Variants in CACNG8 observed in about 807,000 individuals in gnomAD.
The protein encoded by CACNG8 is voltage-dependent calcium channel gamma-8 subunit.
CACNG8 carries 5 observed loss-of-function variants against 26.9 expected under a neutral mutation model. The observed-to-expected ratio is 0.19, with a 90% CI of 0.10 to 0.39. CACNG8 has a LOEUF of 0.39. Ranked by LOEUF, CACNG8 falls within the 10% of genes least tolerant of loss-of-function variation. The probability of loss-of-function intolerance (pLI) is 1.00; values close to 1 mark genes in which losing one functional copy is unlikely to be tolerated. For synonymous variants in CACNG8, 321 were observed against 296.7 expected (o/e 1.08, Z -0.84); for missense variants, 473 against 609.4 (o/e 0.78, Z 2.36).
rs2069373871 is a variant in CACNG8 at position 53,982,210 on chromosome 19, C to T, written c.639C>T (p.Phe213=). The T allele has an allele frequency of 7.4e-6, 12 of 1,613,136 alleles. No homozygotes were observed. Among genetic ancestry groups the T allele is most frequent in the Non-Finnish European group, 1.0e-5 (12 of 1,179,742 alleles). ...CCTTCTACTTCGGCGGGCTGTCGTT[C>T]ATCCTGGCCGAGGTGATAGGCGTGC... Residue 213 remains phenylalanine, a synonymous_variant, in exon 4 of 4, where the codon TTC becomes TTT. Transcript: ENST00000270458. This position sits in a 1 kb window ranked among gnomAD's most constrained non-coding sequence, Gnocchi z 8.4.
In CACNG8 at chr19:53,980,790, A is replaced by C. The variant is rs887733084; in HGVS notation, c.508+783A>C. On this transcript the variant is annotated intron_variant, in intron 3 of 3. Coordinates refer to ENST00000270458, the MANE Select transcript of CACNG8 (RefSeq NM_031895.6). The stretch of plus-strand genomic sequence containing the variant: ...GACTGGAACACTTAAGAGGCACGCA[A>C]TTAAGGGGTAAGGCCCCCTTTCTAC... 2.0e-5 allele frequency among the ~76,000 whole-genome samples: 3 copies of C among 152,198 alleles called. No individual in the cohort carries two copies. The East Asian group carries it at 5.8e-4, about 29-fold the overall frequency.
rs547121078 is a variant in CACNG8, at chr19:53,983,884, G to A, written c.*1035G>A. Reference sequence around the variant, plus strand: ...AAGGTGAGGCCGGAGACACAGACAGGGCCAGATTGTGCAGGGGCTCGTAGG... The same window carrying A: ...AAGGTGAGGCCGGAGACACAGACAGAGCCAGATTGTGCAGGGGCTCGTAGG... On this transcript the variant is annotated 3_prime_UTR_variant, in exon 4 of 4. Transcript: ENST00000270458. The A allele has an allele frequency of 6.5e-6, 1 of 152,874 alleles. No homozygotes were observed. The highest frequency in any genetic ancestry group is 2.1e-4 in the South Asian group (1 of 4,840). The allele number at this position is 152,874 out of a possible 1,614,324, so 9.5% of individuals were successfully genotyped here.
At chr19:53,977,810 A>T (rs997660940) in intron 1 of CACNG8, among the ~76,000 whole-genome samples, 1 of 152,066 alleles carries the variant, frequency 6.6e-6, no homozygotes, top group Non-Finnish European at 1.5e-5. Flanking sequence ...CCTCTTTCTT[A>T]CAGAGGTGGG....
Position 53,986,414 on chromosome 19 carries a change from TATC to T in CACNG8, c.*3568_*3570del, listed in dbSNP as rs1447865040. 1 of 152,168 alleles carries T rather than the reference TATC, an allele frequency of 6.6e-6. No homozygotes were observed. Among genetic ancestry groups the T allele is most frequent in the Non-Finnish European group, 1.5e-5 (1 of 68,032 alleles). 9.4% of individuals were successfully genotyped at this position (152,168 alleles called of 1,614,324 possible). On this transcript the variant is annotated 3_prime_UTR_variant, in exon 4 of 4. Coordinates refer to ENST00000270458, the MANE Select transcript of CACNG8 (RefSeq NM_031895.6). ...CACTGGAGAGATAAACAATAAATAA[TATC>T]ATTTCAGTAACCAAAAAGTGCTTTA...
At chr19:53,973,986 T>C (rs2069316891) in intron 1 of CACNG8, among the ~76,000 whole-genome samples, 2 of 152,228 alleles carry the variant, frequency 1.3e-5, no homozygotes, top group African/African-American at 4.8e-5. Context: ...TAGTAAATTA[T>C]ACATAACATA....
chr19:53,972,895 G>C lies in CACNG8; in HGVS notation c.284-5251G>C, dbSNP rs183941735. 2.2e-3 allele frequency among the ~76,000 whole-genome samples: 329 copies of C among 152,210 alleles called. 1 individual carries two copies. The highest frequency in any genetic ancestry group is 4.0e-3 in the Non-Finnish European group (270 of 68,024). On this transcript the variant is annotated intron_variant, in intron 1 of 3. Transcript: ENST00000270458. ...TAAATATGCTGAACTCCCAAACCGA[G>C]CTGTGCTGGAAGGAACCTCTCCCCA...
At position 53,982,912 on chromosome 19, in the gene CACNG8, G is replaced by A; in HGVS notation, c.*63G>A. 1.8e-6 allele frequency: 2 copies of A among 1,139,072 alleles called. No individual in the cohort carries two copies. Among genetic ancestry groups the A allele is most frequent in the Non-Finnish European group, 2.2e-6 (2 of 915,764 alleles). The allele number at this position is 1,139,072 out of a possible 1,614,324, so 70.6% of individuals were successfully genotyped here. On this transcript the variant is annotated 3_prime_UTR_variant, in exon 4 of 4. Transcript: ENST00000270458. This position sits in a 1 kb window ranked among gnomAD's most constrained non-coding sequence, Gnocchi z 8.4. ...CGTGCGCGGGCGCGCGTGCATCGAG[G>A]CTGCCGGGGTCGGGGGCGCCCCCGC...
At position 53,987,590 on chromosome 19, in the gene CACNG8, G is replaced by A. The variant is rs2069415274; in HGVS notation, c.*4741G>A. The A allele has an allele frequency of 6.6e-6, 1 of 152,342 alleles. No homozygotes were observed. The highest frequency in any genetic ancestry group is 2.1e-4 in the South Asian group (1 of 4,820). 9.4% of individuals were successfully genotyped at this position (152,342 alleles called of 1,614,324 possible). ...TTGGTGGTGAACTGGATGTCATAGA[G>A]GAGGGAAGGAAAAGGAACCAGGAAG... On this transcript the variant is annotated 3_prime_UTR_variant, in exon 4 of 4. Coordinates refer to ENST00000270458, the MANE Select transcript of CACNG8 (RefSeq NM_031895.6).
intron 3 of CACNG8, among the ~76,000 whole-genome samples, chr19:53,980,438 C>G (rs925489237): frequency 2.0e-5 from 3 of 151,696 alleles, no homozygotes; most frequent in Non-Finnish European, 2.9e-5. Flanking sequence ...ATCTGAGCGC[C>G]GATGAGGAGC....
chr19:53,979,764 C>A, intron 2 of CACNG8, 103 bp from the exon 3 acceptor site: 1 of 1,229,588 alleles, frequency 8.1e-7, no homozygotes, highest in Non-Finnish European at 1.1e-6. Context: ...AATCACAGAA[C>A]TGTCGGGAGG....
intron 1 of CACNG8, among the ~76,000 whole-genome samples, chr19:53,964,132 T>A (rs1254217162): frequency 6.6e-6 from 1 of 152,044 alleles, no homozygotes; most frequent in Admixed American, 6.6e-5. Context: ...CAGTTCATCT[T>A]GACCCTGCTC....
intron 1 of CACNG8, among the ~76,000 whole-genome samples, chr19:53,964,763 G>A (rs527239227): frequency 2.6e-5 from 4 of 152,094 alleles, no homozygotes; most frequent in African/African-American, 7.2e-5. Flanking sequence ...AAGTAGCTGC[G>A]GGGCTGGGAA....
At chr19:53,978,534 G>A (rs2069344186) in intron 2 of CACNG8, among the ~76,000 whole-genome samples, 1 of 151,960 alleles carries the variant, frequency 6.6e-6, no homozygotes, top group African/African-American at 2.4e-5. Context: ...GTGGAATCCC[G>A]GACTGGGATT....
At position 53,982,252 on chromosome 19, in the gene CACNG8, C is replaced by T; in HGVS notation, c.681C>T (p.Tyr227=). The T allele has an allele frequency of 1.2e-6, 2 of 1,612,654 alleles. No homozygotes were observed. Among genetic ancestry groups the T allele is most frequent in the South Asian group, 2.2e-5 (2 of 90,986 alleles). Residue 227 remains tyrosine (Y), a synonymous_variant, in exon 4 of 4, where the codon TAC becomes TAT. Coordinates refer to ENST00000270458, the MANE Select transcript of CACNG8 (RefSeq NM_031895.6). The surrounding 1 kb of genome is among the most constrained non-coding windows in gnomAD (Gnocchi z 8.4). Reference sequence around the variant, plus strand: ...TAGGCGTGCTGGCCGTCAACATCTACATCGAGCGCAGCCGCGAGGCGCACT... The same window carrying T: ...TAGGCGTGCTGGCCGTCAACATCTATATCGAGCGCAGCCGCGAGGCGCACT...
chr19:53,968,768 CAAAA>C lies in CACNG8; in HGVS notation c.283+5363_283+5366del, dbSNP rs34461203. Among the ~76,000 whole-genome samples, 207 of 50,304 alleles carry C rather than the reference CAAAA, an allele frequency of 4.1e-3. 1 individual carries two copies. The highest frequency in any genetic ancestry group is 0.04 in the Middle Eastern group (2 of 50). 33.0% of individuals were successfully genotyped at this position (50,304 alleles called of 152,430 possible). The stretch of plus-strand genomic sequence containing the variant: ...TGGGCAACAGAGTGAGACTCTATCT[CAAAA>C]AAAAAAAAAAAAAAAAAAAGGGAGG... On this transcript the variant is annotated intron_variant, in intron 1 of 3. Transcript: ENST00000270458.
chr19:53,972,361 C>CTT (rs577196456), intron 1 of CACNG8, among the ~76,000 whole-genome samples: 2,723 of 106,250 alleles, frequency 0.026, 103 homozygotes, highest in African/African-American at 0.04. Context: ...TTCTTCTTTT[C>CTT]TTTTTTTTTT....
intron 1 of CACNG8, among the ~76,000 whole-genome samples, chr19:53,975,813 C>G (rs2069327550): frequency 6.6e-6 from 1 of 152,224 alleles, no homozygotes; most frequent in African/African-American, 2.4e-5. Flanking sequence ...TTTGTTGCCA[C>G]CATCAGCTGC....
intron 1 of CACNG8, 54 bp from the exon 2 acceptor site, chr19:53,978,092 C>A: frequency 7.9e-7 from 1 of 1,260,322 alleles, no homozygotes; most frequent in Non-Finnish European, 1.1e-6. Context: ...TGGGGTTGCC[C>A]CGCCCCCAAC....
chr19:53,973,648 G>A (rs1373711706), intron 1 of CACNG8, among the ~76,000 whole-genome samples: 1 of 152,118 alleles, frequency 6.6e-6, no homozygotes, highest in Non-Finnish European at 1.5e-5. Flanking sequence ...CTAACACAGT[G>A]AAACCCCGTC....
Sources: gnomAD v4.1 joint callset for allele counts (sites outside exome capture counted in the v4.1 genomes callset) on GRCh38, gnomAD v4.1.1 for gene constraint, Gnocchi (gnomAD v3.1) non-coding constraint, MANE v1.5 for transcripts, NCBI Gene and HGNC (gene_info 2026-07-23, HGNC 2026-07-21) for gene names.